Variants in RIMBP2 observed in about 807,000 individuals in gnomAD.
RIMBP2 encodes the protein RIMS binding protein 2.
Under a neutral mutation model 118.6 loss-of-function variants are expected in RIMBP2, and 48 were observed. That is an observed-to-expected ratio of 0.40 (90% CI 0.32 to 0.51). The LOEUF is 0.51. Ranked by LOEUF, RIMBP2 falls within the 20% of genes least tolerant of loss-of-function variation. RIMBP2 has a pLI of 0.41. For synonymous variants in RIMBP2, 762 were observed against 742.9 expected, an observed-to-expected ratio of 1.03 and a Z score of -0.42; for missense variants, 1,551 against 1,768.3, an observed-to-expected ratio of 0.88 and a Z score of 2.20.
At chr12:130,675,972 C>T (rs564920741) in intron 1 of RIMBP2, among the ~76,000 whole-genome samples, 40 of 152,336 alleles carry the variant, frequency 2.6e-4, no homozygotes, top group South Asian at 1.2e-3. Flanking sequence ...GGGGCTCTCA[C>T]GATGGCATTA....
chr12:130,628,932 A>G (rs2061813844), intron 1 of RIMBP2, among the ~76,000 whole-genome samples: 1 of 152,234 alleles, frequency 6.6e-6, no homozygotes, highest in South Asian at 2.1e-4. Context: ...AGGTCAAATT[A>G]ATTAATAAAA....
At position 130,446,190 on chromosome 12, in the gene RIMBP2, G is replaced by T. The variant is rs2078509987; in HGVS notation, c.582-921C>A. On this transcript the variant is annotated intron_variant, in intron 9 of 22. Transcript: ENST00000690449. This position sits in a 1 kb window ranked among gnomAD's most constrained non-coding sequence, Gnocchi z 4.1. ...AAAGGCAAATTAACTTAAAATAACA[G>T]CGAAGAACTCATTAAAAAATGAAAA... 6.6e-6 allele frequency among the ~76,000 whole-genome samples: 1 copy of T among 152,126 alleles called. No individual in the cohort carries two copies. The highest frequency in any genetic ancestry group is 2.4e-5 in the African/African-American group (1 of 41,402).
At chr12:130,546,307 G>C (rs2055159724) in intron 2 of RIMBP2, among the ~76,000 whole-genome samples, 2 of 149,576 alleles carry the variant, frequency 1.3e-5, no homozygotes, top group Non-Finnish European at 3.0e-5. Flanking sequence ...TAATTAGTTA[G>C]CTTTTTGAGA....
intron 15 of RIMBP2, chr12:130,426,051 A>C (rs2136814776): frequency 6.6e-6 from 1 of 152,402 alleles, no homozygotes; most frequent in Non-Finnish European, 1.5e-5. Flanking sequence ...TCGAAAACAA[A>C]CCATCCTTAG....
intron 2 of RIMBP2, among the ~76,000 whole-genome samples, chr12:130,584,556 C>A (rs558620725): frequency 6.6e-6 from 1 of 152,162 alleles, no homozygotes; most frequent in African/African-American, 2.4e-5. Flanking sequence ...ATCACATCAC[C>A]ACCATCACCT....
intron 6 of RIMBP2, among the ~76,000 whole-genome samples, chr12:130,464,064 C>T (rs1365743763): frequency 2.0e-5 from 3 of 152,174 alleles, no homozygotes; most frequent in Non-Finnish European, 4.4e-5. Context: ...CCCTCAGTTC[C>T]GGGAACTGCC....
At position 130,498,670 on chromosome 12, in the gene RIMBP2, C is replaced by T. The variant is rs76622858; in HGVS notation, c.-4+7978G>A. Among the ~76,000 whole-genome samples the T allele has an allele frequency of 6.4e-3, 960 of 151,094 alleles. 9 individuals are homozygous for T. The highest frequency in any genetic ancestry group is 0.022 in the African/African-American group (908 of 41,264). On this transcript the variant is annotated intron_variant, in intron 4 of 22. Coordinates refer to ENST00000690449, the MANE Select transcript of RIMBP2 (RefSeq NM_001393629.1). ...AAAAAAACACTCAGTGCAGGAAATC[C>T]GAGCTAGCCTGTGGAGAGGCCACAT...
At chr12:130,400,114 T>C (rs1025632923) in intron 21 of RIMBP2, among the ~76,000 whole-genome samples, 2 of 152,156 alleles carry the variant, frequency 1.3e-5, no homozygotes, top group Admixed American at 1.3e-4. Context: ...AAACACTCCT[T>C]GGCAGATCTC....
chr12:130,456,795 G>T, intron 6 of RIMBP2, 95 bp from the exon 7 acceptor site: 1 of 857,988 alleles, frequency 1.2e-6, no homozygotes, highest in Non-Finnish European at 1.8e-6. Context: ...GTGCACATGT[G>T]CACTGTGTGC....
At chr12:130,542,288 G>A (rs2054691761) in intron 2 of RIMBP2, among the ~76,000 whole-genome samples, 1 of 150,064 alleles carries the variant, frequency 6.7e-6, no homozygotes, top group Non-Finnish European at 1.5e-5. Flanking sequence ...GCAGCAGGAA[G>A]TGACTGCAGT....
intron 2 of RIMBP2, among the ~76,000 whole-genome samples, chr12:130,613,767 T>G (rs2060712011): frequency 7.3e-6 from 1 of 137,364 alleles, no homozygotes; most frequent in African/African-American, 2.8e-5. Flanking sequence ...TGAGCCAAGA[T>G]CGCACCACTG....
In RIMBP2 at chr12:130,412,716, A is replaced by G. The variant is rs1473810435; in HGVS notation, c.3492T>C (p.Cys1164=). The change falls in exon 19 of 23, where the codon TGT becomes TGC. Residue 1164 remains cysteine (C), a synonymous_variant. Transcript: ENST00000690449. ...ETCARLGLIP[C]NMVSEIQADD... ...CTGCTTGTATCTCAGAGACCATGTT[A>G]CAAGGAATAAGGCCAAGCCGGGCAC... 5 of 1,613,776 alleles carry G rather than the reference A, an allele frequency of 3.1e-6. No individual in the cohort carries two copies. The African/African-American group carries it at 6.7e-5, about 22-fold the overall frequency.
chr12:130,508,437 G>C (rs10848122), intron 3 of RIMBP2, among the ~76,000 whole-genome samples: 102,120 of 151,490 alleles, frequency 0.67, 35,192 homozygotes, highest in East Asian at 0.77. Flanking sequence ...CCTTAAACAG[G>C]TCAAGCTTCT....
Position 130,446,037 on chromosome 12 carries a change from C to A in RIMBP2, c.582-768G>T, listed in dbSNP as rs1008680371. ...TTTATGCTCCCCCCCCCCACACCCC[C>A]AGGAATATAAGAGTATCCATATTCT... On this transcript the variant is annotated intron_variant, in intron 9 of 22. Transcript: ENST00000690449. The surrounding 1 kb of genome is among the most constrained non-coding windows in gnomAD (Gnocchi z 4.1). 3.3e-5 allele frequency among the ~76,000 whole-genome samples: 5 copies of A among 149,774 alleles called. No individual in the cohort carries two copies. The highest frequency in any genetic ancestry group is 4.9e-5 in the African/African-American group (2 of 40,876).
At chr12:130,506,584 C>T (rs1348451734) in intron 4 of RIMBP2, 64 bp downstream of exon 4, 2 of 982,964 alleles carry the variant, frequency 2.0e-6, no homozygotes, top group African/African-American at 3.5e-5. Context: ...TCCTGCAGCC[C>T]CTCCTTCCTC....
intron 2 of RIMBP2, among the ~76,000 whole-genome samples, chr12:130,533,814 T>C (rs933297513): frequency 6.6e-6 from 1 of 152,136 alleles, no homozygotes; most frequent in African/African-American, 2.4e-5. Context: ...GAAAGTCAAA[T>C]ACTGCATGTT....
In RIMBP2 at chr12:130,450,047, G is replaced by A. The variant is rs779278973; in HGVS notation, c.581+153C>T. Among the ~76,000 whole-genome samples, 7 of 151,916 alleles carry A rather than the reference G, an allele frequency of 4.6e-5. No individual in the cohort carries two copies. The highest frequency in any genetic ancestry group is 8.8e-5 in the Non-Finnish European group (6 of 67,982). ...GCGTGCCACCCAAACTCTCTCCACC[G>A]AACCCTGCTCAGCCTCCAGGCCAGG... On this transcript the variant is annotated intron_variant, in intron 9 of 22. Coordinates refer to ENST00000690449, the MANE Select transcript of RIMBP2 (RefSeq NM_001393629.1). The surrounding 1 kb of genome is among the most constrained non-coding windows in gnomAD (Gnocchi z 4.8).
chr12:130,456,790 C>G (rs2079487479), intron 6 of RIMBP2, 90 bp from the exon 7 acceptor site: 1 of 1,005,670 alleles, frequency 9.9e-7, no homozygotes, highest in African/African-American at 1.6e-5. Flanking sequence ...TACGTGTGCA[C>G]ATGTGCACTG....
At chr12:130,468,023 G>A (rs558197542) in intron 6 of RIMBP2, among the ~76,000 whole-genome samples, 1 of 152,272 alleles carries the variant, frequency 6.6e-6, no homozygotes, top group East Asian at 1.9e-4. Flanking sequence ...GCTGCCCAGT[G>A]GAATGTTCTG....
Sources: allele counts gnomAD v4.1 joint callset (sites outside exome capture counted in the v4.1 genomes callset), GRCh38; gene constraint gnomAD v4.1.1; non-coding constraint Gnocchi (gnomAD v3.1); transcripts MANE v1.5; gene names NCBI Gene and HGNC (gene_info 2026-07-23, HGNC 2026-07-21).